REPS2: variants seen among roughly 807,000 people sequenced by gnomAD.
REPS2 encodes the protein RALBP1 associated Eps domain containing 2.
Under a neutral mutation model 53.6 loss-of-function variants are expected in REPS2, and 23 were observed. That is an observed-to-expected ratio of 0.43 (90% CI 0.31 to 0.61). The LOEUF (loss-of-function observed/expected upper bound fraction) is 0.61, where lower values mean the gene tolerates loss of function less well. Ranked by LOEUF, REPS2 falls within the 20% of genes least tolerant of loss-of-function variation. REPS2 has a pLI of 0.11. For synonymous variants in REPS2, 238 were observed against 218.6 expected, an observed-to-expected ratio of 1.09 and a Z score of -0.78; for missense variants, 446 against 534.9, an observed-to-expected ratio of 0.83 and a Z score of 1.64.
chrX:17,087,289 A>G (rs976479855), intron 13 of REPS2, among the ~76,000 whole-genome samples: 1 of 111,935 alleles, frequency 8.9e-6, no homozygotes, highest in Non-Finnish European at 1.9e-5. Context: ...GTAATCACCA[A>G]ATTTCTGGTG....
chrX:16,947,153 T>G lies in REPS2; in HGVS notation c.273+19T>G. 1 of 1,046,672 alleles carries G rather than the reference T, an allele frequency of 9.6e-7. No homozygotes were observed. Among genetic ancestry groups the G allele is most frequent in the Non-Finnish European group, 1.2e-6 (1 of 818,037 alleles). The allele number at this position is 1,046,672 out of a possible 1,213,427, so 86.3% of individuals were successfully genotyped here. A position where few individuals can be genotyped will look rare whatever the true frequency, so the allele number is the denominator to read the frequency against. Reference sequence around the variant, plus strand: ...GCACCAGGTGGGTCCCTCCGCCTCCTGTCCCTGCGGGTCTGTGGGGCAGTG... The same window carrying G: ...GCACCAGGTGGGTCCCTCCGCCTCCGGTCCCTGCGGGTCTGTGGGGCAGTG... On this transcript the variant is annotated intron_variant, in intron 1 of 17. Coordinates refer to ENST00000357277, the MANE Select transcript of REPS2 (RefSeq NM_004726.3).
chrX:17,061,175 A>G (rs1410113379), intron 8 of REPS2, among the ~76,000 whole-genome samples: 1 of 112,416 alleles, frequency 8.9e-6, no homozygotes, highest in Non-Finnish European at 1.9e-5. Context: ...GCAAATGAAC[A>G]AATTAAGGTG....
chrX:17,176,998 C>T, the REPS2 span, among the ~76,000 whole-genome samples: 601 of 111,977 alleles, frequency 5.4e-3, 2 homozygotes, highest in South Asian at 9.0e-3. Flanking sequence ...GGCTTCAGAC[C>T]CCAGGGAAAT....
chrX:16,950,116 T>A lies in REPS2; in HGVS notation c.273+2982T>A, dbSNP rs765182277. Among the ~76,000 whole-genome samples the A allele has an allele frequency of 3.4e-3, 374 of 110,282 alleles. 1 individual carries two copies. The highest frequency in any genetic ancestry group is 0.012 in the African/African-American group (359 of 30,310). On this transcript the variant is annotated intron_variant, in intron 1 of 17. Coordinates refer to ENST00000357277, the MANE Select transcript of REPS2 (RefSeq NM_004726.3). ...TAGTTTTGCCTTTTTTAGAATGTCATATAGTTGGAGTCATACAGTATATAG... is the reference window on the plus strand; with the variant it reads ...TAGTTTTGCCTTTTTTAGAATGTCAAATAGTTGGAGTCATACAGTATATAG...
At chrX:16,979,173 A>G (rs746675700) in intron 1 of REPS2, among the ~76,000 whole-genome samples, 1 of 111,974 alleles carries the variant, frequency 8.9e-6, no homozygotes, top group African/African-American at 3.2e-5. Context: ...GAGTGCTCAG[A>G]TTATAGATTT....
At chrX:17,125,291 T>C (rs1261543645) in intron 14 of REPS2, among the ~76,000 whole-genome samples, 1 of 111,477 alleles carries the variant, frequency 9.0e-6, no homozygotes, top group Non-Finnish European at 1.9e-5. Flanking sequence ...ATTCCCTCTA[T>C]GATGAATGGA....
intron 11 of REPS2, among the ~76,000 whole-genome samples, chrX:17,070,541 C>A (rs748377803): frequency 8.9e-6 from 1 of 111,735 alleles, no homozygotes; most frequent in African/African-American, 3.3e-5. Context: ...AATGGCTGCC[C>A]CTGTGTCCGC....
At chrX:17,008,140 T>G (rs919981801) in intron 2 of REPS2, among the ~76,000 whole-genome samples, 1 of 112,490 alleles carries the variant, frequency 8.9e-6, no homozygotes, top group Non-Finnish European at 1.9e-5. Context: ...AGGCTTAGTA[T>G]TCATTGCTGC....
chrX:17,057,722 T>TTTTTC (rs755578029), intron 8 of REPS2, among the ~76,000 whole-genome samples: 190 of 112,689 alleles, frequency 1.7e-3, no homozygotes, highest in African/African-American at 5.5e-3. Context: ...TTGTCTTGTC[T>TTTTTC]TTTTCTTTTC....
At chrX:17,031,610 G>C (rs1398006007) in intron 5 of REPS2, among the ~76,000 whole-genome samples, 2 of 111,823 alleles carry the variant, frequency 1.8e-5, no homozygotes, top group Non-Finnish European at 3.8e-5. Flanking sequence ...TTATGATATG[G>C]GATATCAGTA....
rs1158824008 is a variant in REPS2, at chrX:17,052,246, G to A, written c.908-136G>A. ...GCTTTTGGTCCCATGATTCATAATT[G>A]CTTTGAGGAATAAATATGTTTGTGG... is the stretch of plus-strand genomic sequence containing the variant. On this transcript the variant is annotated intron_variant, in intron 6 of 17. Coordinates refer to ENST00000357277, the MANE Select transcript of REPS2 (RefSeq NM_004726.3). 6 of 421,099 alleles carry A rather than the reference G, an allele frequency of 1.4e-5. No homozygotes were observed. The African/African-American group carries it at 1.5e-4, about 11-fold the overall frequency. 34.7% of individuals were successfully genotyped at this position (421,099 alleles called of 1,213,427 possible).
the REPS2 span, among the ~76,000 whole-genome samples, chrX:17,173,039 TTAA>T: frequency 9.0e-6 from 1 of 110,504 alleles, no homozygotes; most frequent in Non-Finnish European, 1.9e-5. Context: ...GCTTTGTAAT[TTAA>T]TAATATTTTA....
intron 5 of REPS2, among the ~76,000 whole-genome samples, chrX:17,031,989 C>G (rs192346025): frequency 2.9e-4 from 33 of 111,896 alleles, no homozygotes; most frequent in African/African-American, 1.1e-3. Context: ...GGAGTTCAAA[C>G]ACTGGTCAAG....
chrX:17,092,673 C>T (rs187731855), intron 13 of REPS2, among the ~76,000 whole-genome samples: 227 of 108,171 alleles, frequency 2.1e-3, no homozygotes, highest in African/African-American at 7.4e-3. Flanking sequence ...ATTCTTCTCT[C>T]GTCTTCTTGC....
At chrX:17,130,574 T>A (rs781255903) in intron 14 of REPS2, among the ~76,000 whole-genome samples, 1 of 112,041 alleles carries the variant, frequency 8.9e-6, no homozygotes, top group South Asian at 3.8e-4. Flanking sequence ...CTGAAGCAAG[T>A]TGGCTTTGTC....
At chrX:17,084,834 G>A (rs1055993144) in intron 13 of REPS2, among the ~76,000 whole-genome samples, 6 of 111,634 alleles carry the variant, frequency 5.4e-5, no homozygotes, top group Non-Finnish European at 7.5e-5. Flanking sequence ...TCGTTCTGTG[G>A]GTTGTCCTTT....
intron 14 of REPS2, among the ~76,000 whole-genome samples, chrX:17,131,301 A>G (rs2063288420): frequency 9.0e-6 from 1 of 111,536 alleles, no homozygotes; most frequent in East Asian, 2.8e-4. Flanking sequence ...TTTAAAAAAG[A>G]TAGTCAAAGG....
At chrX:16,992,988 G>A (rs1450129128) in intron 1 of REPS2, among the ~76,000 whole-genome samples, 1 of 112,118 alleles carries the variant, frequency 8.9e-6, no homozygotes, top group Non-Finnish European at 1.9e-5. Context: ...CCAAAGCCAG[G>A]GAGCTGGTGT....
Position 17,006,344 on chromosome X carries a change from GGTGA to G in REPS2, c.397+3_397+6del. On this transcript the variant is annotated splice_donor_variant and splice_donor_region_variant and intron_variant, in intron 2 of 17. Transcript: ENST00000357277. LOFTEE classifies it high-confidence loss of function. ...GGTACGGATAGAGAGTATTAAATGT[GGTGA>G]GTATCTCACATTTGTATGTTTTATT... 2 of 1,206,939 alleles carry G rather than the reference GGTGA, an allele frequency of 1.7e-6. No homozygotes were observed. The highest frequency in any genetic ancestry group is 2.2e-6 in the Non-Finnish European group (2 of 892,265).
Sources: gnomAD v4.1 joint callset for allele counts (sites outside exome capture counted in the v4.1 genomes callset) on GRCh38, gnomAD v4.1.1 for gene constraint, MANE v1.5 for transcripts, NCBI Gene and HGNC (gene_info 2026-07-23, HGNC 2026-07-21) for gene names.